NCOA3: variants seen among roughly 807,000 people sequenced by gnomAD.
The protein encoded by NCOA3 is nuclear receptor coactivator 3.
NCOA3 carries 51 observed loss-of-function variants against 158.8 expected under a neutral mutation model. The ratio of observed to expected loss-of-function variants is 0.32; its 90% confidence interval spans 0.26 to 0.41. The LOEUF (loss-of-function observed/expected upper bound fraction) is 0.41, where lower values mean the gene tolerates loss of function less well. NCOA3 is among the 10% of genes least tolerant of loss of function. The pLI is 1.00. For missense variants in NCOA3, 1,510 were observed against 1,746.6 expected, an observed-to-expected ratio of 0.86 and a Z score of 2.41; for synonymous variants, 537 against 592.4, an observed-to-expected ratio of 0.91 and a Z score of 1.36.
chr20:47,508,436 G>T (rs575713561), intron 1 of NCOA3, among the ~76,000 whole-genome samples: 1 of 152,202 alleles, frequency 6.6e-6, no homozygotes, highest in Non-Finnish European at 1.5e-5. Flanking sequence ...CTGACTAGTA[G>T]GCAGGAAGCC....
At position 47,639,765 on chromosome 20, in the gene NCOA3, A is replaced by C. The variant is rs1391278643; in HGVS notation, c.2896A>C (p.Asn966His). Reference protein sequence around the residue: ...GSIPTLPLRSNSIPGARPVLQ... With the variant: ...GSIPTLPLRSHSIPGARPVLQ... ...TATTCCCACATTGCCTCTTCGGTCT[A>C]ATAGCATACCAGGTGCGAGACCAGT... is the stretch of plus-strand genomic sequence containing the variant. Residue 966 changes from asparagine (N) to histidine (H), a missense_variant, in exon 15 of 23, where the codon AAT becomes CAT. Transcript: ENST00000371998. 3.7e-6 allele frequency: 6 copies of C among 1,614,108 alleles called. No individual in the cohort carries two copies. The highest frequency in any genetic ancestry group is 5.1e-6 in the Non-Finnish European group (6 of 1,180,046).
chr20:47,640,747 G>T lies in NCOA3; in HGVS notation c.3080+696G>T, dbSNP rs997774461. Reference sequence around the variant, plus strand: ...AAAAAAAAAAAAAAAAATTAGCCGGGTGTGGTGGTGTGTGCCTGTAGTCCC... The same window carrying T: ...AAAAAAAAAAAAAAAAATTAGCCGGTTGTGGTGGTGTGTGCCTGTAGTCCC... On this transcript the variant is annotated intron_variant, in intron 16 of 22. Coordinates refer to ENST00000371998, the MANE Select transcript of NCOA3 (RefSeq NM_181659.3). 2.6e-5 allele frequency among the ~76,000 whole-genome samples: 4 copies of T among 151,580 alleles called. No homozygotes were observed. In the South Asian group the frequency reaches 8.3e-4, roughly 32 times the overall value.
intron 8 of NCOA3, chr20:47,630,196 C>A (rs140313325): frequency 1.3e-5 from 2 of 152,166 alleles, no homozygotes; most frequent in South Asian, 4.1e-4. Flanking sequence ...TCCCAGAATG[C>A]GTTTATCCCT....
At chr20:47,578,590 C>T (rs2085407472) in intron 1 of NCOA3, among the ~76,000 whole-genome samples, 1 of 152,170 alleles carries the variant, frequency 6.6e-6, no homozygotes, top group African/African-American at 2.4e-5. Context: ...GCAAGTGAAA[C>T]CTGTGGTTAG....
At chr20:47,617,809 T>C (rs1032005834) in intron 2 of NCOA3, among the ~76,000 whole-genome samples, 2 of 152,236 alleles carry the variant, frequency 1.3e-5, no homozygotes, top group African/African-American at 2.4e-5. Flanking sequence ...TGCTCTACTT[T>C]GCTTTTTGTT....
chr20:47,589,403 T>C (rs1486776152), intron 2 of NCOA3, among the ~76,000 whole-genome samples: 1 of 151,934 alleles, frequency 6.6e-6, no homozygotes, highest in Non-Finnish European at 1.5e-5. Flanking sequence ...TGAGATAGAG[T>C]CTCGCTCTGT....
At position 47,636,377 on chromosome 20, in the gene NCOA3, C is replaced by G; in HGVS notation, c.1991C>G (p.Ser664Cys). Reference sequence around the variant, plus strand: ...CCCTCTGGAGTCTCCTCCTCTACATCTGGAGGAGTATCCTCTACATCCAAT... The same window carrying G: ...CCCTCTGGAGTCTCCTCCTCTACATGTGGAGGAGTATCCTCTACATCCAAT... ...TSPSGVSSST[S>C]GGVSSTSNMH... Residue 664 changes from serine (S) to cysteine (C), a missense_variant, in exon 12 of 23, where the codon TCT (serine) becomes TGT (cysteine). Ser to Cys is a moderately radical substitution (Grantham distance 112, BLOSUM62 -1). Transcript: ENST00000371998. 3 of 1,614,140 alleles carry G rather than the reference C, an allele frequency of 1.9e-6. No homozygotes were observed. Among genetic ancestry groups the G allele is most frequent in the Non-Finnish European group, 2.5e-6 (3 of 1,180,004 alleles).
chr20:47,501,993 G>T lies in NCOA3; in HGVS notation c.-125G>T. The T allele has an allele frequency of 2.5e-6, 1 of 399,482 alleles. No individual in the cohort carries two copies. Among genetic ancestry groups the T allele is most frequent in the East Asian group, 3.6e-5 (1 of 28,116 alleles). The allele number at this position is 399,482 out of a possible 1,614,324, so 24.7% of individuals were successfully genotyped here. ...AGCGGCGAGTTTCCGATTTAAAGCTGAGCTGCGAGGAAAATGGCGGCGGGA... is the reference window on the plus strand; with the variant it reads ...AGCGGCGAGTTTCCGATTTAAAGCTTAGCTGCGAGGAAAATGGCGGCGGGA... On this transcript the variant is annotated 5_prime_UTR_variant, in exon 1 of 23. Transcript: ENST00000371998.
intron 1 of NCOA3, among the ~76,000 whole-genome samples, chr20:47,570,931 AATAT>A (rs74178746): frequency 5.8e-4 from 69 of 119,980 alleles, no homozygotes; most frequent in Middle Eastern, 0.011. Flanking sequence ...AATGAGCAGT[AATAT>A]ATATACACAC....
At chr20:47,548,151 A>G (rs927466758) in intron 1 of NCOA3, among the ~76,000 whole-genome samples, 2 of 152,028 alleles carry the variant, frequency 1.3e-5, no homozygotes, top group Non-Finnish European at 2.9e-5. Context: ...GTTAATATAG[A>G]GGAATTGTGA....
intron 1 of NCOA3, among the ~76,000 whole-genome samples, chr20:47,546,044 C>A (rs1035597520): frequency 6.6e-6 from 1 of 152,132 alleles, no homozygotes; most frequent in African/African-American, 2.4e-5. Flanking sequence ...ATAAACCTCT[C>A]TTTTGTTTCC....
At chr20:47,565,256 C>G (rs1376451674) in intron 1 of NCOA3, among the ~76,000 whole-genome samples, 1 of 152,228 alleles carries the variant, frequency 6.6e-6, no homozygotes, top group Non-Finnish European at 1.5e-5. Context: ...GCTAGGATTA[C>G]AGGCATGAGC....
chr20:47,610,678 C>T (rs763381049), intron 2 of NCOA3, among the ~76,000 whole-genome samples: 1 of 152,162 alleles, frequency 6.6e-6, no homozygotes, highest in East Asian at 1.9e-4. Flanking sequence ...TCAGACTTGC[C>T]GTGTCGTGTT....
intron 1 of NCOA3, among the ~76,000 whole-genome samples, chr20:47,570,070 C>G (rs1484596051): frequency 1.3e-5 from 2 of 152,106 alleles, no homozygotes; most frequent in Non-Finnish European, 2.9e-5. Context: ...ATGTGATATT[C>G]TAAGTCTTTT....
At chr20:47,520,003 C>T (rs1018205950) in intron 1 of NCOA3, among the ~76,000 whole-genome samples, 1 of 146,138 alleles carries the variant, frequency 6.8e-6, no homozygotes. Flanking sequence ...ACCTTGTGAT[C>T]CGCCGGCTTC....
intron 2 of NCOA3, among the ~76,000 whole-genome samples, chr20:47,598,642 C>G (rs977799813): frequency 6.6e-6 from 1 of 152,190 alleles, no homozygotes; most frequent in African/African-American, 2.4e-5. Flanking sequence ...TGGCTGAAAC[C>G]TATTTTTATT....
chr20:47,536,805 CTTTTTTTT>C lies in NCOA3; in HGVS notation c.-99+34797_-99+34804del, dbSNP rs1227796813. 4.6e-5 allele frequency among the ~76,000 whole-genome samples: 6 copies of C among 129,730 alleles called. No individual in the cohort carries two copies. The East Asian group carries it at 1.3e-3, about 28-fold the overall frequency. The allele number at this position is 129,730 out of a possible 152,430, so 85.1% of individuals were successfully genotyped here. A position where few individuals can be genotyped will look rare whatever the true frequency, so the allele number is the denominator to read the frequency against. On this transcript the variant is annotated intron_variant, in intron 1 of 22. Transcript: ENST00000371998. ...TTGTGCCCAGCCTCACTGTTTTTTT[CTTTTTTTT>C]TTTTTTTTTTGAGACAGTCTTGCTT...
At chr20:47,620,229 A>T (rs2086215837) in intron 2 of NCOA3, among the ~76,000 whole-genome samples, 1 of 152,122 alleles carries the variant, frequency 6.6e-6, no homozygotes, top group African/African-American at 2.4e-5. Flanking sequence ...TTCCTGTTTT[A>T]TTCCTAAGTA....
intron 1 of NCOA3, among the ~76,000 whole-genome samples, chr20:47,556,549 G>T (rs1427668944): frequency 6.6e-6 from 1 of 152,112 alleles, no homozygotes; most frequent in African/African-American, 2.4e-5. Flanking sequence ...TTGAGATGGG[G>T]TCTCACTCTG....
Sources: gnomAD v4.1 joint callset for allele counts (sites outside exome capture counted in the v4.1 genomes callset) on GRCh38, gnomAD v4.1.1 for gene constraint, MANE v1.5 for transcripts, NCBI Gene and HGNC (gene_info 2026-07-23, HGNC 2026-07-21) for gene names.